Variants in GRIK2 observed in about 807,000 individuals in gnomAD.
GRIK2 encodes glutamate ionotropic receptor kainate type subunit 2, also known as glutamate receptor ionotropic, kainate 2.
A neutral mutation model predicts 100.3 loss-of-function variants in GRIK2; 32 were observed. The observed-to-expected ratio is 0.32, with a 90% CI of 0.24 to 0.43. The LOEUF is 0.43. Among genes scored for constraint, GRIK2 ranks in the 20% least tolerant of loss-of-function variants. The pLI is 1.00. For missense variants in GRIK2, 843 were observed against 1,114.9 expected (o/e 0.76, Z 3.47); for synonymous variants, 417 against 389.4 (o/e 1.07, Z -0.83).
intron 7 of GRIK2, among the ~76,000 whole-genome samples, chr6:101,707,592 G>GTATATATATATATATATA (rs1451926404): frequency 1.4e-4 from 18 of 128,188 alleles, no homozygotes; most frequent in East Asian, 1.0e-3. Flanking sequence ...GTGTGTGTGT[G>GTATATATATATATATATA]TGTATATATG....
chr6:101,631,073 T>G (rs951504098), intron 4 of GRIK2, among the ~76,000 whole-genome samples: 1 of 152,122 alleles, frequency 6.6e-6, no homozygotes, highest in African/African-American at 2.4e-5. Context: ...AGCTATTTAT[T>G]TTTTACGATA....
chr6:101,753,714 A>G (rs899968481), intron 7 of GRIK2, among the ~76,000 whole-genome samples: 9 of 152,076 alleles, frequency 5.9e-5, no homozygotes, highest in African/African-American at 1.9e-4. Context: ...TGGGTCTTCT[A>G]TTTTTGCTGC....
intron 15 of GRIK2, among the ~76,000 whole-genome samples, chr6:102,046,023 T>A (rs1562136382): frequency 6.6e-6 from 1 of 151,992 alleles, no homozygotes; most frequent in Non-Finnish European, 1.5e-5. Context: ...TCCATGCACA[T>A]GGTAACCAAA....
chr6:101,753,076 C>T (rs1215853800), intron 7 of GRIK2, among the ~76,000 whole-genome samples: 2 of 151,916 alleles, frequency 1.3e-5, no homozygotes, highest in East Asian at 1.9e-4. Context: ...GGGAGGATCA[C>T]GAGGTCAGGA....
intron 2 of GRIK2, among the ~76,000 whole-genome samples, chr6:101,482,461 G>A (rs1772582122): frequency 1.3e-5 from 2 of 151,968 alleles, no homozygotes; most frequent in African/African-American, 2.4e-5. Context: ...CCAGCTCGGT[G>A]TTAAATAATA....
intron 14 of GRIK2, chr6:101,993,903 CAT>C (rs959840972): frequency 3.4e-5 from 5 of 145,720 alleles, no homozygotes; most frequent in Admixed American, 1.4e-4. Context: ...ATTATACACA[CAT>C]ATATTAATAT....
chr6:102,009,651 A>G (rs564215234), intron 14 of GRIK2, among the ~76,000 whole-genome samples: 3 of 152,234 alleles, frequency 2.0e-5, no homozygotes, highest in Admixed American at 2.0e-4. Flanking sequence ...TGATACTCTA[A>G]GTTTCCTTAT....
intron 2 of GRIK2, among the ~76,000 whole-genome samples, chr6:101,564,633 G>C (rs1777167013): frequency 6.6e-6 from 1 of 152,070 alleles, no homozygotes; most frequent in Non-Finnish European, 1.5e-5. Flanking sequence ...CAGACACTGG[G>C]AAGAAGTTAA....
chr6:101,873,241 C>T (rs1333445684), intron 11 of GRIK2, among the ~76,000 whole-genome samples: 1 of 116,124 alleles, frequency 8.6e-6, no homozygotes, highest in African/African-American at 3.2e-5. Context: ...GCTATCCCTC[C>T]CCCCTCCCCC....
At chr6:101,903,605 C>A (rs1788022986) in intron 12 of GRIK2, among the ~76,000 whole-genome samples, 1 of 151,624 alleles carries the variant, frequency 6.6e-6, no homozygotes, top group Non-Finnish European at 1.5e-5. Flanking sequence ...TGTTGAAATT[C>A]AAATTTGCCG....
chr6:101,499,731 A>G (rs1773650576), intron 2 of GRIK2, among the ~76,000 whole-genome samples: 1 of 152,174 alleles, frequency 6.6e-6, no homozygotes, highest in Non-Finnish European at 1.5e-5. Context: ...ACTATGCCTA[A>G]TATAGTATAA....
At chr6:101,924,181 C>A (rs1039822541) in intron 12 of GRIK2, among the ~76,000 whole-genome samples, 3 of 151,870 alleles carry the variant, frequency 2.0e-5, no homozygotes, top group South Asian at 2.1e-4. Flanking sequence ...ATGCAAAATT[C>A]TTATGATGAT....
chr6:101,744,546 A>ATATATATG (rs1776287550), intron 7 of GRIK2: 1 of 110,232 alleles, frequency 9.1e-6, no homozygotes, highest in Non-Finnish European at 1.8e-5. Flanking sequence ...ATATATATAT[A>ATATATATG]TATATATATA....
chr6:101,490,618 A>G (rs1773055799), intron 2 of GRIK2, among the ~76,000 whole-genome samples: 1 of 146,858 alleles, frequency 6.8e-6, no homozygotes, highest in Non-Finnish European at 1.5e-5. Flanking sequence ...GAGAGGCATT[A>G]ACGTAAGATA....
At chr6:101,528,509 A>T (rs1197183334) in intron 2 of GRIK2, among the ~76,000 whole-genome samples, 2 of 152,060 alleles carry the variant, frequency 1.3e-5, no homozygotes, top group African/African-American at 4.8e-5. Context: ...TCAGGTAAGG[A>T]ACTGTGAAAC....
chr6:101,981,243 TTTGTATAA>T (rs904276771), intron 14 of GRIK2, among the ~76,000 whole-genome samples: 12 of 151,904 alleles, frequency 7.9e-5, no homozygotes, highest in African/African-American at 2.7e-4. Context: ...AATTTTTCTC[TTTGTATAA>T]TACTATTTTA....
intron 11 of GRIK2, among the ~76,000 whole-genome samples, chr6:101,873,042 T>A (rs926238038): frequency 1.3e-5 from 2 of 151,904 alleles, no homozygotes; most frequent in Non-Finnish European, 2.9e-5. Context: ...TTATTATGCA[T>A]TTATTTAGGA....
intron 2 of GRIK2, among the ~76,000 whole-genome samples, chr6:101,440,371 C>G (rs894753529): frequency 1.3e-4 from 20 of 152,158 alleles, no homozygotes; most frequent in African/African-American, 4.6e-4. Context: ...TAGCTCAGTG[C>G]ATTAAGTTAA....
intron 2 of GRIK2, among the ~76,000 whole-genome samples, chr6:101,466,585 G>A (rs1771657528): frequency 7.1e-6 from 1 of 141,648 alleles, no homozygotes; most frequent in Admixed American, 7.3e-5. Flanking sequence ...TTAAAAGGCT[G>A]CTTTTTTCTA....
Sources: allele counts gnomAD v4.1 joint callset (sites outside exome capture counted in the v4.1 genomes callset), GRCh38; gene constraint gnomAD v4.1.1; transcripts MANE v1.5; gene names NCBI Gene and HGNC (gene_info 2026-07-23, HGNC 2026-07-21).